ARB2A: variants seen among roughly 807,000 people sequenced by gnomAD.
ARB2A encodes ARB2 cotranscriptional regulator A.
At chr5:93,724,618 C>T in the ARB2A span, among the ~76,000 whole-genome samples, 2 of 151,832 alleles carry the variant, frequency 1.3e-5, no homozygotes, top group Non-Finnish European at 2.9e-5. Context: ...AATGATGAAA[C>T]TGTTTTTGTG....
chr5:93,881,513 C>T, the ARB2A span: 4 of 1,610,482 alleles, frequency 2.5e-6, no homozygotes, highest in East Asian at 2.2e-5. Context: ...TTGGGGGTTA[C>T]GATACTTCTC....
chr5:94,022,003 G>A, the ARB2A span, among the ~76,000 whole-genome samples: 36 of 152,238 alleles, frequency 2.4e-4, no homozygotes, highest in Non-Finnish European at 4.9e-4. Context: ...CTTGGGAGGC[G>A]GAGGTTACGG....
chr5:94,013,412 G>GT, the ARB2A span, among the ~76,000 whole-genome samples: 5 of 151,896 alleles, frequency 3.3e-5, no homozygotes, highest in Admixed American at 6.6e-5. Flanking sequence ...CCCTGACCTC[G>GT]TGATCCACCT....
At chr5:93,639,914 G>A in the ARB2A span, among the ~76,000 whole-genome samples, 14 of 151,426 alleles carry the variant, frequency 9.2e-5, no homozygotes, top group African/African-American at 3.2e-4. Flanking sequence ...GCATGGTGGC[G>A]GGCGCCTGTA....
At chr5:93,872,751 A>G in the ARB2A span, among the ~76,000 whole-genome samples, 1 of 151,962 alleles carries the variant, frequency 6.6e-6, no homozygotes, top group Non-Finnish European at 1.5e-5. Flanking sequence ...CCCCGTCTCT[A>G]CTAAAAATAC....
At chr5:94,083,101 C>A in the ARB2A span, among the ~76,000 whole-genome samples, 1 of 152,180 alleles carries the variant, frequency 6.6e-6, no homozygotes, top group Non-Finnish European at 1.5e-5. Context: ...AGCCATACTG[C>A]TAGTTACAGG....
the ARB2A span, among the ~76,000 whole-genome samples, chr5:94,069,039 A>AAGAT: frequency 0.27 from 37,608 of 140,108 alleles, 5,075 homozygotes; most frequent in Admixed American, 0.32. Flanking sequence ...CTGTCTTAAA[A>AAGAT]AGATAGATAG....
the ARB2A span, among the ~76,000 whole-genome samples, chr5:93,654,623 T>C: frequency 6.6e-6 from 1 of 152,204 alleles, no homozygotes; most frequent in Admixed American, 6.5e-5. Flanking sequence ...ACCTAGTTAA[T>C]TGCTAATGTC....
At chr5:93,865,416 C>T in the ARB2A span, 1 of 985,240 alleles carries the variant, frequency 1.0e-6, no homozygotes, top group Non-Finnish European at 1.2e-6. Flanking sequence ...AAATTACATG[C>T]TTTATTCTTC....
the ARB2A span, among the ~76,000 whole-genome samples, chr5:94,095,644 G>T: frequency 6.6e-6 from 1 of 151,236 alleles, no homozygotes; most frequent in African/African-American, 2.4e-5. Flanking sequence ...CTCAACTTAG[G>T]GATAATTTTC....
At chr5:93,947,099 T>C in the ARB2A span, among the ~76,000 whole-genome samples, 1 of 152,240 alleles carries the variant, frequency 6.6e-6, no homozygotes, top group Non-Finnish European at 1.5e-5. Context: ...GATCTGACTT[T>C]TCTTGTGATG....
At chr5:94,002,354 G>T in the ARB2A span, among the ~76,000 whole-genome samples, 1 of 152,004 alleles carries the variant, frequency 6.6e-6, no homozygotes, top group Non-Finnish European at 1.5e-5. Context: ...ACACACAAAA[G>T]TAGAGGGAGA....
the ARB2A span, among the ~76,000 whole-genome samples, chr5:93,702,874 C>T: frequency 6.6e-6 from 1 of 152,114 alleles, no homozygotes; most frequent in South Asian, 2.1e-4. Context: ...AATCCTTCAC[C>T]TGGATTTTTT....
chr5:93,677,360 G>A, the ARB2A span, among the ~76,000 whole-genome samples: 1 of 152,194 alleles, frequency 6.6e-6, no homozygotes, highest in Admixed American at 6.5e-5. Flanking sequence ...GTCTCCCTCT[G>A]TTAAGGGCTG....
chr5:94,013,546 T>C, the ARB2A span, among the ~76,000 whole-genome samples: 3 of 152,132 alleles, frequency 2.0e-5, no homozygotes, highest in Non-Finnish European at 4.4e-5. Flanking sequence ...TCTTTAACTC[T>C]TTGGGGCATG....
the ARB2A span, among the ~76,000 whole-genome samples, chr5:93,872,881 C>A: frequency 6.6e-6 from 1 of 151,656 alleles, no homozygotes; most frequent in Admixed American, 6.6e-5. Context: ...CGCGCCACTG[C>A]ACTCCAGCCT....
the ARB2A span, among the ~76,000 whole-genome samples, chr5:93,825,823 A>G: frequency 6.6e-6 from 1 of 151,754 alleles, no homozygotes. Context: ...GTTAGATGTG[A>G]AAATATTTAA....
the ARB2A span, among the ~76,000 whole-genome samples, chr5:93,722,081 TA>T: frequency 1.6e-4 from 24 of 152,128 alleles, no homozygotes; most frequent in Non-Finnish European, 3.2e-4. Context: ...CATATTAGAA[TA>T]AACAAATAAC....
chr5:94,004,009 T>C, the ARB2A span, among the ~76,000 whole-genome samples: 380 of 152,282 alleles, frequency 2.5e-3, 4 homozygotes, highest in Non-Finnish European at 2.5e-4. Flanking sequence ...CAATAGAATA[T>C]AATTAAAAAT....
Sources: allele counts gnomAD v4.1 joint callset (sites outside exome capture counted in the v4.1 genomes callset), GRCh38; gene constraint gnomAD v4.1.1; transcripts MANE v1.5; gene names NCBI Gene and HGNC (gene_info 2026-07-23, HGNC 2026-07-21).